Variants in NEK11 observed in about 807,000 individuals in gnomAD.
The protein encoded by NEK11 is serine/threonine-protein kinase Nek11.
NEK11 carries 72 observed loss-of-function variants against 80.7 expected under a neutral mutation model. That is an observed-to-expected ratio of 0.89 (90% confidence interval 0.74 to 1.08). NEK11 has a LOEUF of 1.08. Ranked by LOEUF, NEK11 falls within the 50% of genes least tolerant of loss-of-function variation. NEK11 has a pLI of 0.00. For missense variants in NEK11, 764 were observed against 763.6 expected, an observed-to-expected ratio of 1.00 and a Z score of -0.01; for synonymous variants, 251 against 260.7, an observed-to-expected ratio of 0.96 and a Z score of 0.36.
chr3:131,216,600 G>A (rs2094843165), intron 14 of NEK11, among the ~76,000 whole-genome samples: 1 of 151,994 alleles, frequency 6.6e-6, no homozygotes, highest in Non-Finnish European at 1.5e-5. Flanking sequence ...TCTCTGGCTT[G>A]AACATTGGTT....
chr3:131,034,600 C>T (rs1433357643), intron 3 of NEK11, among the ~76,000 whole-genome samples: 2 of 152,122 alleles, frequency 1.3e-5, no homozygotes, highest in East Asian at 1.9e-4. Context: ...GGGGTTTCAC[C>T]GTGGTCTCGA....
intron 14 of NEK11, among the ~76,000 whole-genome samples, chr3:131,204,123 T>C (rs906974076): frequency 6.6e-6 from 1 of 152,058 alleles, no homozygotes; most frequent in Non-Finnish European, 1.5e-5. Flanking sequence ...ACCATGCCTA[T>C]GCAATGAAGT....
chr3:131,288,403 A>T (rs1043627807), intron 17 of NEK11, among the ~76,000 whole-genome samples: 10 of 150,598 alleles, frequency 6.6e-5, no homozygotes, highest in Non-Finnish European at 1.3e-4. Context: ...CATAGAATCA[A>T]ATTTACCTCT....
chr3:131,048,215 A>G (rs1488701426), intron 3 of NEK11, among the ~76,000 whole-genome samples: 1 of 152,182 alleles, frequency 6.6e-6, no homozygotes, highest in Non-Finnish European at 1.5e-5. Flanking sequence ...CCGCTGAGAA[A>G]GCATGCAGGA....
intron 4 of NEK11, among the ~76,000 whole-genome samples, chr3:131,094,278 G>T (rs2077128244): frequency 6.6e-6 from 1 of 151,352 alleles, no homozygotes; most frequent in Non-Finnish European, 1.5e-5. Context: ...GGTCACAAAG[G>T]GTTTCTTTTA....
intron 4 of NEK11, chr3:131,109,522 A>C: frequency 4.4e-6 from 1 of 225,708 alleles, no homozygotes; most frequent in Non-Finnish European, 8.5e-6. Flanking sequence ...TTTAAGGGGT[A>C]GGAGGGTAGG....
intron 16 of NEK11, among the ~76,000 whole-genome samples, chr3:131,269,820 G>A (rs2096143754): frequency 6.6e-6 from 1 of 152,232 alleles, no homozygotes; most frequent in African/African-American, 2.4e-5. Context: ...CAGTTACACA[G>A]AGCCCTAGGT....
intron 15 of NEK11, among the ~76,000 whole-genome samples, chr3:131,242,416 G>A (rs1049972275): frequency 6.6e-6 from 1 of 152,144 alleles, no homozygotes; most frequent in Non-Finnish European, 1.5e-5. Context: ...CATCTAGCAA[G>A]ATGCAGTTAC....
intron 14 of NEK11, among the ~76,000 whole-genome samples, chr3:131,189,070 G>A (rs911350801): frequency 1.3e-5 from 2 of 152,070 alleles, no homozygotes; most frequent in Admixed American, 1.3e-4. Flanking sequence ...TTGTAGTAAT[G>A]CACCTACAAG....
chr3:131,237,069 T>C (rs1016145074), intron 15 of NEK11, among the ~76,000 whole-genome samples: 3 of 152,084 alleles, frequency 2.0e-5, no homozygotes, highest in African/African-American at 7.2e-5. Flanking sequence ...GCTGGGTACA[T>C]TGGCTCATTC....
intron 17 of NEK11, among the ~76,000 whole-genome samples, chr3:131,303,062 G>A (rs2096679624): frequency 6.6e-6 from 1 of 152,148 alleles, no homozygotes; most frequent in African/African-American, 2.4e-5. Context: ...TTGTTGAATT[G>A]AACCCTTTAC....
chr3:131,302,872 T>C (rs2096676896), intron 17 of NEK11, among the ~76,000 whole-genome samples: 1 of 152,172 alleles, frequency 6.6e-6, no homozygotes, highest in South Asian at 2.1e-4. Flanking sequence ...GTCCTTTTGG[T>C]CAAATGTCAA....
At chr3:131,051,156 T>G (rs985330570) in intron 3 of NEK11, among the ~76,000 whole-genome samples, 5 of 152,224 alleles carry the variant, frequency 3.3e-5, no homozygotes, top group Admixed American at 1.3e-4. Flanking sequence ...TTAAAAAATA[T>G]TTTGAAAATA....
intron 3 of NEK11, among the ~76,000 whole-genome samples, chr3:131,066,284 A>G (rs1389270): frequency 0.91 from 138,449 of 152,274 alleles, 63,472 homozygotes; most frequent in Non-Finnish European, 0.95. Flanking sequence ...TATTGCCAGC[A>G]ATTTGTGTCA....
chr3:131,085,759 C>G lies in NEK11; in HGVS notation c.336+5171C>G, dbSNP rs142551996. 2.4e-3 allele frequency among the ~76,000 whole-genome samples: 358 copies of G among 152,192 alleles called. 1 individual carries two copies. Among genetic ancestry groups the G allele is most frequent in the African/African-American group, 8.1e-3 (337 of 41,514 alleles). ...TAAATACATTCCCTAATTTTAACAA[C>G]TTATATAATCATAGTATAATTATCA... On this transcript the variant is annotated intron_variant, in intron 4 of 17. Transcript: ENST00000383366.
At chr3:131,082,572 G>A (rs923259929) in intron 4 of NEK11, among the ~76,000 whole-genome samples, 9 of 152,152 alleles carry the variant, frequency 5.9e-5, no homozygotes, top group African/African-American at 2.2e-4. Context: ...GCAGTTGAGG[G>A]CCTGGATGTT....
At chr3:131,289,919 A>G (rs574514782) in intron 17 of NEK11, among the ~76,000 whole-genome samples, 1 of 152,318 alleles carries the variant, frequency 6.6e-6, no homozygotes, top group South Asian at 2.1e-4. Flanking sequence ...CTTACCTGTC[A>G]TCCAAAGATG....
intron 4 of NEK11, among the ~76,000 whole-genome samples, chr3:131,093,867 A>G (rs2077078262): frequency 6.6e-6 from 1 of 151,802 alleles, no homozygotes; most frequent in African/African-American, 2.4e-5. Flanking sequence ...TGAAATCTTA[A>G]TTATCACATT....
chr3:131,342,352 A>T (rs192028459), intron 17 of NEK11, among the ~76,000 whole-genome samples: 8 of 152,354 alleles, frequency 5.3e-5, no homozygotes, highest in African/African-American at 1.9e-4. Context: ...GGTAAAATAC[A>T]TTGTACCATT....
Sources: gnomAD v4.1 joint callset for allele counts (sites outside exome capture counted in the v4.1 genomes callset) on GRCh38, gnomAD v4.1.1 for gene constraint, MANE v1.5 for transcripts, NCBI Gene and HGNC (gene_info 2026-07-23, HGNC 2026-07-21) for gene names.